MYO9A: variants seen among roughly 807,000 people sequenced by gnomAD.
MYO9A encodes the protein unconventional myosin-IXa.
Under a neutral mutation model 293.3 loss-of-function variants are expected in MYO9A, and 103 were observed. The ratio of observed to expected loss-of-function variants is 0.35; its 90% confidence interval spans 0.30 to 0.41. The LOEUF (loss-of-function observed/expected upper bound fraction) is 0.41. Among genes scored for constraint, MYO9A ranks in the 10% least tolerant of loss-of-function variants. The pLI is 1.00. For synonymous variants in MYO9A, 1,001 were observed against 1,035.7 expected (o/e 0.97, Z 0.64); for missense variants, 2,685 against 3,033.0 (o/e 0.89, Z 2.69).
intron 26 of MYO9A, chr15:71,889,444 C>CTTTTTTT (rs34913367): frequency 2.3e-5 from 2 of 87,656 alleles, no homozygotes; most frequent in African/African-American, 1.1e-4. Context: ...TCTAACAAAC[C>CTTTTTTT]TTTTTTTTTT....
At chr15:71,947,038 G>A (rs2058933538) in intron 15 of MYO9A, among the ~76,000 whole-genome samples, 1 of 152,074 alleles carries the variant, frequency 6.6e-6, no homozygotes, top group African/African-American at 2.4e-5. Context: ...GATCACTTGA[G>A]CCAAGGAGGT....
At chr15:72,002,382 G>A (rs909890047) in intron 8 of MYO9A, among the ~76,000 whole-genome samples, 3 of 151,864 alleles carry the variant, frequency 2.0e-5, no homozygotes, top group African/African-American at 7.3e-5. Flanking sequence ...CGAGTAGCTG[G>A]GATTAGAGAC....
Position 71,897,502 on chromosome 15 carries a change from C to G in MYO9A, c.5001G>C (p.Arg1667Ser), listed in dbSNP as rs199824222. 5.0e-6 allele frequency: 8 copies of G among 1,613,686 alleles called. No individual in the cohort carries two copies. In the Admixed American group the frequency reaches 1.0e-4, roughly 20 times the overall value. ...TGTCCTTTGGAGTGAAGAAAATGGG[C>G]CTAGCATTTCCCTCTCTGGAAAGGT... ...SDDLSREGNA[R>S]PIFFTPKDNM... Residue 1667 changes from arginine (R) to serine (S), a missense_variant, in exon 25 of 42, where the codon AGG (arginine) becomes AGC (serine). Around this residue, in one of 10 missense-constraint regions of MYO9A, gnomAD observed 1,434 missense variants for 1,497.7 expected, o/e 0.96. Transcript: ENST00000356056.
At chr15:72,107,404 C>T (rs1230619858) in intron 1 of MYO9A, among the ~76,000 whole-genome samples, 1 of 151,898 alleles carries the variant, frequency 6.6e-6, no homozygotes, top group Non-Finnish European at 1.5e-5. Flanking sequence ...CAAAAATTAG[C>T]GAAGTATAGT....
chr15:71,878,249 A>T lies in MYO9A; in HGVS notation c.5740-18T>A. On this transcript the variant is annotated intron_variant, in intron 30 of 41. Transcript: ENST00000356056. ...TCATCCATCTATAAGCAATAAGAAA[A>T]GAAATGTATGGTTTTATAAAGAAAC... The T allele has an allele frequency of 2.7e-6, 4 of 1,490,024 alleles. No homozygotes were observed. Among genetic ancestry groups the T allele is most frequent in the Non-Finnish European group, 2.7e-6 (3 of 1,116,178 alleles). The allele number at this position is 1,490,024 out of a possible 1,614,324, so 92.3% of individuals were successfully genotyped here. A position where few individuals can be genotyped will look rare whatever the true frequency, so the allele number is the denominator to read the frequency against.
At chr15:71,910,888 CTTT>C (rs903810199) in intron 19 of MYO9A, among the ~76,000 whole-genome samples, 5 of 152,028 alleles carry the variant, frequency 3.3e-5, no homozygotes, top group African/African-American at 9.7e-5. Context: ...TCTTTTTCTT[CTTT>C]TAATGGTGAC....
At chr15:71,858,575 T>C (rs1365188185) in intron 34 of MYO9A, 2 of 151,750 alleles carry the variant, frequency 1.3e-5, no homozygotes, top group African/African-American at 4.8e-5. Flanking sequence ...CTTGGGTCTA[T>C]GGCCATACTA....
intron 39 of MYO9A, among the ~76,000 whole-genome samples, chr15:71,844,228 A>G (rs948718943): frequency 2.6e-5 from 4 of 152,116 alleles, no homozygotes; most frequent in African/African-American, 7.2e-5. Context: ...TATTCTCACC[A>G]TATTTGGCAC....
intron 1 of MYO9A, among the ~76,000 whole-genome samples, chr15:72,112,928 T>C (rs981465269): frequency 1.3e-5 from 2 of 152,208 alleles, no homozygotes; most frequent in Non-Finnish European, 2.9e-5. Context: ...TATTTTATAA[T>C]TTATAAAGTC....
chr15:71,901,622 T>G (rs1292509742), intron 22 of MYO9A, among the ~76,000 whole-genome samples: 3 of 150,410 alleles, frequency 2.0e-5, no homozygotes, highest in African/African-American at 4.9e-5. Flanking sequence ...GCCCAGGAGT[T>G]CCAGTTCTAC....
chr15:71,982,005 A>ATTTTTTTTTTTT (rs750930471), intron 11 of MYO9A, among the ~76,000 whole-genome samples: 7 of 56,308 alleles, frequency 1.2e-4, no homozygotes, highest in Admixed American at 3.0e-4. Flanking sequence ...CCTATTTAGA[A>ATTTTTTTTTTTT]TTTTTTTTTT....
chr15:71,860,983 A>AAAAAAAAAAAAAC (rs1280330013), intron 33 of MYO9A, among the ~76,000 whole-genome samples: 1 of 150,730 alleles, frequency 6.6e-6, no homozygotes, highest in Admixed American at 6.6e-5. Flanking sequence ...AAAAAAAAAA[A>AAAAAAAAAAAAAC]AAAAAAAAAA....
At chr15:71,830,998 T>A (rs1015992572) in intron 39 of MYO9A, among the ~76,000 whole-genome samples, 26 of 127,898 alleles carry the variant, frequency 2.0e-4, no homozygotes, top group East Asian at 4.9e-4. Flanking sequence ...TTTTTTTTTT[T>A]AAACATTGGT....
chr15:72,047,439 C>T (rs982177246), intron 1 of MYO9A, among the ~76,000 whole-genome samples: 8 of 152,182 alleles, frequency 5.3e-5, no homozygotes, highest in Admixed American at 1.3e-4. Context: ...TCTCGAACCT[C>T]GTATACAGTA....
chr15:72,085,278 C>T (rs531325403), intron 1 of MYO9A, among the ~76,000 whole-genome samples: 5 of 151,832 alleles, frequency 3.3e-5, no homozygotes, highest in Non-Finnish European at 7.4e-5. Flanking sequence ...CTGTAGCCCC[C>T]GCTTTTCGGG....
At chr15:72,065,544 T>C (rs2078996547) in intron 1 of MYO9A, among the ~76,000 whole-genome samples, 1 of 149,084 alleles carries the variant, frequency 6.7e-6, no homozygotes, top group South Asian at 2.1e-4. Flanking sequence ...AATATTTACA[T>C]GAACCTAGAG....
At chr15:72,047,432 C>T (rs766639917) in intron 1 of MYO9A, among the ~76,000 whole-genome samples, 29 of 152,258 alleles carry the variant, frequency 1.9e-4, no homozygotes, top group African/African-American at 5.5e-4. Flanking sequence ...CCCATCTTCT[C>T]GAACCTCGTA....
At chr15:71,969,671 C>A (rs2075963027) in intron 12 of MYO9A, among the ~76,000 whole-genome samples, 1 of 152,160 alleles carries the variant, frequency 6.6e-6, no homozygotes, top group Non-Finnish European at 1.5e-5. Context: ...TTATGATATA[C>A]TTTCTCTTAC....
intron 1 of MYO9A, among the ~76,000 whole-genome samples, chr15:72,095,836 T>C (rs2080044392): frequency 6.7e-6 from 1 of 149,448 alleles, no homozygotes; most frequent in African/African-American, 2.4e-5. Context: ...TCCCAGCACT[T>C]TGGGAGGCTG....
Sources: gnomAD v4.1 joint callset for allele counts (sites outside exome capture counted in the v4.1 genomes callset) on GRCh38, gnomAD v4.1.1 for gene constraint, gnomAD v4.1.1 regional missense constraint, MANE v1.5 for transcripts, NCBI Gene and HGNC (gene_info 2026-07-23, HGNC 2026-07-21) for gene names.